The following TSPAN5 variants were observed in gnomAD, a reference collection of about 807,000 sequenced individuals.
TSPAN5 encodes tetraspanin 5, also known as tetraspanin-5.
TSPAN5 carries 10 observed loss-of-function variants against 37.1 expected under a neutral mutation model. The ratio of observed to expected loss-of-function variants is 0.27; its 90% CI spans 0.17 to 0.46. The LOEUF is 0.46. Ranked by LOEUF, TSPAN5 falls within the 20% of genes least tolerant of loss-of-function variation. The pLI, the probability that TSPAN5 is intolerant of heterozygous loss-of-function variation, is 1.00. For missense variants in TSPAN5, 195 were observed against 326.6 expected, an observed-to-expected ratio of 0.60 and a Z score of 3.11; for synonymous variants, 110 against 118.9, an observed-to-expected ratio of 0.93 and a Z score of 0.48.
chr4:98,533,741 A>G (rs1035631771), intron 1 of TSPAN5, among the ~76,000 whole-genome samples: 16 of 148,022 alleles, frequency 1.1e-4, no homozygotes, highest in South Asian at 8.8e-4. Flanking sequence ...TAGTAGAGAC[A>G]GGGTTTCACC....
chr4:98,611,516 C>G (rs1369995766), intron 1 of TSPAN5, among the ~76,000 whole-genome samples: 1 of 152,174 alleles, frequency 6.6e-6, no homozygotes, highest in Non-Finnish European at 1.5e-5. Context: ...GAAATGTGAG[C>G]TCAGCATAGC....
At chr4:98,631,312 A>G (rs749947501) in intron 1 of TSPAN5, among the ~76,000 whole-genome samples, 7 of 152,264 alleles carry the variant, frequency 4.6e-5, no homozygotes, top group Non-Finnish European at 8.8e-5. Flanking sequence ...AGTGAGGAAG[A>G]CAATTCCAGG....
intron 1 of TSPAN5, among the ~76,000 whole-genome samples, chr4:98,542,196 A>G (rs1272318955): frequency 6.6e-6 from 1 of 152,156 alleles, no homozygotes; most frequent in African/African-American, 2.4e-5. Flanking sequence ...AGCCCCACCT[A>G]AGTGTGAGCT....
In TSPAN5 at chr4:98,513,949, T is replaced by G. The variant is rs370744979; in HGVS notation, c.82-6221A>C. Among the ~76,000 whole-genome samples the G allele has an allele frequency of 4.8e-4, 73 of 152,282 alleles. 2 individuals are homozygous for G. The highest frequency in any genetic ancestry group is 3.3e-3 in the East Asian group (17 of 5,190). ...CTAGACAATTCTTAAATTGACACTTTCAATCCTCTTTGCTTAAAAACATAG... is the reference window on the plus strand; with the variant it reads ...CTAGACAATTCTTAAATTGACACTTGCAATCCTCTTTGCTTAAAAACATAG... On this transcript the variant is annotated intron_variant, in intron 1 of 7. Transcript: ENST00000305798.
Position 98,471,946 on chromosome 4 carries a change from T to C in TSPAN5, c.*576A>G, listed in dbSNP as rs1460843250. The C allele has an allele frequency of 6.6e-6, 1 of 152,302 alleles. No individual in the cohort carries two copies. The highest frequency in any genetic ancestry group is 6.5e-5 in the Admixed American group (1 of 15,292). The allele number at this position is 152,302 out of a possible 1,614,324, so 9.4% of individuals were successfully genotyped here. On this transcript the variant is annotated 3_prime_UTR_variant, in exon 8 of 8. Coordinates refer to ENST00000305798, the MANE Select transcript of TSPAN5 (RefSeq NM_005723.4). ...GATAGACCAAGTGTGCTCGCCCAAG[T>C]GACTTGCTGAATACCATCACAAAAT...
At chr4:98,619,867 G>A (rs895877737) in intron 1 of TSPAN5, among the ~76,000 whole-genome samples, 3 of 152,136 alleles carry the variant, frequency 2.0e-5, no homozygotes, top group Admixed American at 6.5e-5. Flanking sequence ...GCGTCCTCAC[G>A]TGTTGGAAGG....
chr4:98,521,108 T>C (rs1010479370), intron 1 of TSPAN5, among the ~76,000 whole-genome samples: 1 of 152,188 alleles, frequency 6.6e-6, no homozygotes, highest in East Asian at 1.9e-4. Context: ...ATTTTTGTAT[T>C]TTTAGTAGAG....
At chr4:98,576,140 G>C (rs1037290894) in intron 1 of TSPAN5, among the ~76,000 whole-genome samples, 1 of 151,744 alleles carries the variant, frequency 6.6e-6, no homozygotes, top group Non-Finnish European at 1.5e-5. Context: ...TTATTCTGTT[G>C]CTTTCTGGAT....
chr4:98,631,785 C>A (rs1756754361), intron 1 of TSPAN5, among the ~76,000 whole-genome samples: 1 of 152,212 alleles, frequency 6.6e-6, no homozygotes, highest in Non-Finnish European at 1.5e-5. Context: ...TTCTTCAGAG[C>A]CTTTCCTGAG....
intron 1 of TSPAN5, among the ~76,000 whole-genome samples, chr4:98,652,970 G>A (rs1466154136): frequency 6.6e-6 from 1 of 152,100 alleles, no homozygotes; most frequent in Non-Finnish European, 1.5e-5. Context: ...CCCCACAGAG[G>A]GAGTGGCCAC....
chr4:98,634,775 T>A (rs1008409926), intron 1 of TSPAN5, among the ~76,000 whole-genome samples: 1 of 151,874 alleles, frequency 6.6e-6, no homozygotes, highest in Non-Finnish European at 1.5e-5. Context: ...TTTCTACAGA[T>A]GAAGACCAGA....
intron 1 of TSPAN5, among the ~76,000 whole-genome samples, chr4:98,639,108 A>G (rs540308764): frequency 3.3e-5 from 5 of 152,218 alleles, no homozygotes; most frequent in Non-Finnish European, 7.3e-5. Flanking sequence ...CAGGAGCACA[A>G]GAGACCCATG....
At position 98,489,670 on chromosome 4, in the gene TSPAN5, C is replaced by T. The variant is rs1753044956; in HGVS notation, c.133-2786G>A. Among the ~76,000 whole-genome samples the T allele has an allele frequency of 6.6e-5, 10 of 152,172 alleles. 1 individual carries two copies. Among genetic ancestry groups the T allele is most frequent in the Admixed American group, 6.5e-4 (10 of 15,282 alleles). On this transcript the variant is annotated intron_variant, in intron 2 of 7. Coordinates refer to ENST00000305798, the MANE Select transcript of TSPAN5 (RefSeq NM_005723.4). ...GGTATCCGCTGTGCTCCTGATCCAG[C>T]GAGGTGCCCACTGCCACTCCTAATC...
At chr4:98,656,880 A>T (rs2110297862) in intron 1 of TSPAN5, among the ~76,000 whole-genome samples, 1 of 152,328 alleles carries the variant, frequency 6.6e-6, no homozygotes, top group Admixed American at 6.5e-5. Context: ...AACTATTCTC[A>T]CAGATGTATA....
intron 1 of TSPAN5, among the ~76,000 whole-genome samples, chr4:98,547,505 A>G (rs992370799): frequency 6.6e-6 from 1 of 152,164 alleles, no homozygotes; most frequent in African/African-American, 2.4e-5. Context: ...TAGATTAACA[A>G]TTCATCCTCG....
intron 3 of TSPAN5, chr4:98,484,568 C>A (rs775707230): frequency 6.4e-5 from 29 of 456,114 alleles, no homozygotes; most frequent in South Asian, 4.3e-4. Context: ...GTGTAGTTTT[C>A]TGCCTGTTCA....
chr4:98,474,143 A>G (rs1233571375), intron 7 of TSPAN5, among the ~76,000 whole-genome samples: 1 of 152,170 alleles, frequency 6.6e-6, no homozygotes, highest in African/African-American at 2.4e-5. Context: ...ATTTATGCCT[A>G]TGTTTTCTTC....
At position 98,573,917 on chromosome 4, in the gene TSPAN5, T is replaced by C. The variant is rs1000845522; in HGVS notation, c.82-66189A>G. 6.8e-5 allele frequency among the ~76,000 whole-genome samples: 10 copies of C among 146,416 alleles called. No individual in the cohort carries two copies. In the South Asian group the frequency reaches 2.2e-3, roughly 32 times the overall value. On this transcript the variant is annotated intron_variant, in intron 1 of 7. Transcript: ENST00000305798. ...AAGTGGATCATTAACACTGCTCTTA[T>C]GATGCAGAGAAACCAGTTCATCAAC...
chr4:98,518,024 T>G lies in TSPAN5; in HGVS notation c.82-10296A>C, dbSNP rs571165096. 2.6e-5 allele frequency among the ~76,000 whole-genome samples: 4 copies of G among 152,228 alleles called. No individual in the cohort carries two copies. The East Asian group carries it at 7.7e-4, about 29-fold the overall frequency. ...TGCATTAGACAGCTGAGTTATAAGCTCTCTCTAATGGTAGCTTCGAAAGTT... is the reference window on the plus strand; with the variant it reads ...TGCATTAGACAGCTGAGTTATAAGCGCTCTCTAATGGTAGCTTCGAAAGTT... On this transcript the variant is annotated intron_variant, in intron 1 of 7. Transcript: ENST00000305798.
Sources: allele counts gnomAD v4.1 joint callset (sites outside exome capture counted in the v4.1 genomes callset), GRCh38; gene constraint gnomAD v4.1.1; transcripts MANE v1.5; gene names NCBI Gene and HGNC (gene_info 2026-07-23, HGNC 2026-07-21).